MTHFS: variants seen among roughly 807,000 people sequenced by gnomAD.
MTHFS encodes 5-formyltetrahydrofolate cyclo-ligase.
MTHFS carries 7 observed loss-of-function variants against 12.7 expected under a neutral mutation model. The ratio of observed to expected loss-of-function variants is 0.55; its 90% CI spans 0.31 to 1.03. The LOEUF is 1.03. Ranked by LOEUF, MTHFS falls within the 50% of genes least tolerant of loss-of-function variation. The pLI is 0.05. For synonymous variants in MTHFS, 100 were observed against 97.1 expected (o/e 1.03, Z -0.18); for missense variants, 252 against 258.1 (o/e 0.98, Z 0.16).
At chr15:79,895,262 C>G (rs2141383033) in intron 1 of MTHFS, among the ~76,000 whole-genome samples, 1 of 152,344 alleles carries the variant, frequency 6.6e-6, no homozygotes, top group African/African-American at 2.4e-5. Context: ...TCACACTCCC[C>G]TATCCCATCT....
At chr15:79,845,526 T>C (rs758356215) in intron 2 of MTHFS, 84 bp from the exon 3 acceptor site, 3 of 1,490,154 alleles carry the variant, frequency 2.0e-6, no homozygotes, top group Non-Finnish European at 2.7e-6. Context: ...TGTAATGACA[T>C]CAATTCTTTC....
At chr15:79,860,613 A>G (rs941941736) in intron 2 of MTHFS, among the ~76,000 whole-genome samples, 1 of 152,234 alleles carries the variant, frequency 6.6e-6, no homozygotes, top group Non-Finnish European at 1.5e-5. Flanking sequence ...TGAAATTTTC[A>G]TAAGTAGTGT....
At chr15:79,869,038 C>T (rs1390340594) in intron 2 of MTHFS, among the ~76,000 whole-genome samples, 1 of 151,662 alleles carries the variant, frequency 6.6e-6, no homozygotes, top group Non-Finnish European at 1.5e-5. Context: ...ACATACAGTA[C>T]TTTGGGGTAC....
At chr15:79,872,767 T>A in intron 2 of MTHFS, among the ~76,000 whole-genome samples, 1 of 152,200 alleles carries the variant, frequency 6.6e-6, no homozygotes, top group East Asian at 1.9e-4. Context: ...CTTATGCCAA[T>A]GAGCAATGAC....
In MTHFS at chr15:79,896,695, C is replaced by A. The variant is rs1025815425; in HGVS notation, c.117+177G>T. 6 of 1,164,290 alleles carry A rather than the reference C, an allele frequency of 5.2e-6. No individual in the cohort carries two copies. The Admixed American group carries it at 9.8e-5, about 19-fold the overall frequency. 72.1% of individuals were successfully genotyped at this position (1,164,290 alleles called of 1,614,324 possible). A position where few individuals can be genotyped will look rare whatever the true frequency, so the allele number is the denominator to read the frequency against. ...CCTCTCCCCGCCATAGTGCCAAGAG[C>A]GTCCAGACCACGACTAGGGGGCGTG... On this transcript the variant is annotated intron_variant, in intron 1 of 2. Coordinates refer to ENST00000258874, the MANE Select transcript of MTHFS (RefSeq NM_006441.4).
intron 2 of MTHFS, among the ~76,000 whole-genome samples, chr15:79,864,706 C>A (rs1488968893): frequency 6.6e-6 from 1 of 151,928 alleles, no homozygotes; most frequent in Non-Finnish European, 1.5e-5. Flanking sequence ...CAAGTTAGTA[C>A]CCCCTTGCTT....
chr15:79,854,745 T>A (rs2033771411), intron 2 of MTHFS, among the ~76,000 whole-genome samples: 1 of 152,240 alleles, frequency 6.6e-6, no homozygotes, highest in Non-Finnish European at 1.5e-5. Context: ...TTTTCTTAAG[T>A]ATGTTTTTTA....
At chr15:79,893,264 G>A (rs966414299) in intron 1 of MTHFS, among the ~76,000 whole-genome samples, 4 of 151,664 alleles carry the variant, frequency 2.6e-5, no homozygotes, top group African/African-American at 4.8e-5. Context: ...TTAGTCAGGC[G>A]TGGCGGCAGG....
chr15:79,896,823 C>T (rs758826459), intron 1 of MTHFS, 49 bp downstream of exon 1: 2 of 1,536,938 alleles, frequency 1.3e-6, no homozygotes, highest in African/African-American at 1.4e-5. Context: ...GGCCGCCAGG[C>T]CTTCGGAGGG....
At chr15:79,861,546 C>T (rs1178468189) in intron 2 of MTHFS, among the ~76,000 whole-genome samples, 1 of 152,178 alleles carries the variant, frequency 6.6e-6, no homozygotes, top group African/African-American at 2.4e-5. Context: ...AATACAGAAA[C>T]ACCTATAAAA....
chr15:79,855,832 G>A (rs923442425), intron 2 of MTHFS, among the ~76,000 whole-genome samples: 5 of 152,076 alleles, frequency 3.3e-5, no homozygotes, highest in Non-Finnish European at 5.9e-5. Flanking sequence ...CCATGTTGCC[G>A]CAAAGGACAT....
upstream of MTHFS, chr15:79,897,133 G>A (rs1047752080): frequency 5.9e-4 from 416 of 706,532 alleles, 1 homozygote; most frequent in Middle Eastern, 2.1e-3. Flanking sequence ...CTTCCGGGAC[G>A]CGGGCCCGCG....
chr15:79,879,321 CTTTTTTTTT>C (rs565488885), intron 2 of MTHFS, among the ~76,000 whole-genome samples: 3 of 79,330 alleles, frequency 3.8e-5, no homozygotes, highest in Non-Finnish European at 4.5e-5. Flanking sequence ...AATTATTACC[CTTTTTTTTT>C]TTTTTTTTTT....
intron 2 of MTHFS, among the ~76,000 whole-genome samples, chr15:79,887,295 A>C (rs775811896): frequency 6.6e-6 from 1 of 152,246 alleles, no homozygotes; most frequent in Non-Finnish European, 1.5e-5. Flanking sequence ...CCTAACCAAG[A>C]AGTGTAAATA....
At chr15:79,874,222 TTC>T (rs2034151899) in intron 2 of MTHFS, among the ~76,000 whole-genome samples, 1 of 151,328 alleles carries the variant, frequency 6.6e-6, no homozygotes, top group Non-Finnish European at 1.5e-5. Flanking sequence ...AAATCAACTT[TTC>T]AAAACTCTAG....
chr15:79,896,759 G>T (rs535046420), intron 1 of MTHFS, 113 bp downstream of exon 1: 293 of 1,449,656 alleles, frequency 2.0e-4, no homozygotes, highest in Middle Eastern at 3.7e-4. Context: ...GCCGGGGGGT[G>T]GGGGGGCGCC....
chr15:79,890,836 A>G (rs1422854588), intron 1 of MTHFS, among the ~76,000 whole-genome samples: 2 of 152,216 alleles, frequency 1.3e-5, no homozygotes, highest in Non-Finnish European at 1.5e-5. Context: ...ATGGGCAAAG[A>G]AAGGAAATGT....
chr15:79,858,033 A>AAAC (rs1346111085), intron 2 of MTHFS, among the ~76,000 whole-genome samples: 5 of 151,694 alleles, frequency 3.3e-5, no homozygotes, highest in African/African-American at 4.8e-5. Context: ...AAAAAAAAAA[A>AAAC]AACATAATCC....
At position 79,844,482 on chromosome 15, in the gene MTHFS, G is replaced by C. The variant is rs949966651; in HGVS notation, c.*728C>G. ...CCCACAACAAAATTATTGCTCCCTA[G>C]CTGTGTTGCCATCTGCCAACTTTCA... is the stretch of plus-strand genomic sequence containing the variant. On this transcript the variant is annotated 3_prime_UTR_variant, in exon 3 of 3. Transcript: ENST00000258874. 2.0e-5 allele frequency among the ~76,000 whole-genome samples: 3 copies of C among 152,040 alleles called. No individual in the cohort carries two copies. Among genetic ancestry groups the C allele is most frequent in the African/African-American group, 7.3e-5 (3 of 41,378 alleles).
Sources: gnomAD v4.1 joint callset for allele counts (sites outside exome capture counted in the v4.1 genomes callset) on GRCh38, gnomAD v4.1.1 for gene constraint, MANE v1.5 for transcripts, NCBI Gene and HGNC (gene_info 2026-07-23, HGNC 2026-07-21) for gene names.